The following DST variants were observed in gnomAD, a reference collection of about 807,000 sequenced individuals.
The protein encoded by DST is dystonin.
A neutral mutation model predicts 875.2 loss-of-function variants in DST; 253 were observed. The observed-to-expected ratio is 0.29, with a 90% CI of 0.26 to 0.32. The LOEUF (loss-of-function observed/expected upper bound fraction) is 0.32. Among genes scored for constraint, DST ranks in the 10% least tolerant of loss-of-function variants. DST has a pLI of 1.00. For missense variants in DST, 8,287 were observed against 9,111.6 expected, an observed-to-expected ratio of 0.91 and a Z score of 3.68; for synonymous variants, 3,124 against 3,197.1, an observed-to-expected ratio of 0.98 and a Z score of 0.77.
intron 99 of DST, 21 bp downstream of exon 99, chr6:56,466,057 T>A (rs780204641): frequency 6.4e-7 from 1 of 1,554,408 alleles, no homozygotes; most frequent in South Asian, 1.1e-5. Context: ...CATGATGTTA[T>A]CATGATAAGC....
chr6:56,763,684 T>TACACACACACACACACAC (rs553580754), intron 4 of DST, among the ~76,000 whole-genome samples: 117 of 117,094 alleles, frequency 1.0e-3, no homozygotes, highest in African/African-American at 3.1e-3. Flanking sequence ...AAAATACCTA[T>TACACACACACACACACAC]ACACACACAC....
chr6:56,465,867 T>TAAAAAAAAAAAAAA (rs11359681), intron 99 of DST, among the ~76,000 whole-genome samples: 19 of 112,378 alleles, frequency 1.7e-4, no homozygotes, highest in Non-Finnish European at 2.6e-4. Flanking sequence ...CCAGAAAAAG[T>TAAAAAAAAAAAAAA]AAAAAAAAAA....
Position 56,648,552 on chromosome 6 carries a change from T to G in DST, c.1554+18A>C. On this transcript the variant is annotated intron_variant, in intron 13 of 103. Transcript: ENST00000680361. ...TACAATTGAATCAATCCTATGTAATTTCTACAGTGACACTAACCTTCAGTT... is the reference window on the plus strand; with the variant it reads ...TACAATTGAATCAATCCTATGTAATGTCTACAGTGACACTAACCTTCAGTT... 6.4e-7 allele frequency: 1 copy of G among 1,554,188 alleles called. No homozygotes were observed. The highest frequency in any genetic ancestry group is 1.7e-4 in the Middle Eastern group (1 of 5,752).
In DST at chr6:56,871,513, A is replaced by G. The variant is rs1052397291; in HGVS notation, c.418-19909T>C. Reference sequence around the variant, plus strand: ...AGTGATGCTGAACTTAAGGGCTTAGAGGTAGATTCTCTGGTCATTGAGCAT... The same window carrying G: ...AGTGATGCTGAACTTAAGGGCTTAGGGGTAGATTCTCTGGTCATTGAGCAT... On this transcript the variant is annotated intron_variant, in intron 3 of 103. Coordinates refer to ENST00000680361, the MANE Select transcript of DST (RefSeq NM_001374736.1). The G allele has an allele frequency of 4.9e-6, 7 of 1,435,600 alleles. No individual in the cohort carries two copies. In the African/African-American group the frequency reaches 9.8e-5, roughly 20 times the overall value. The allele number at this position is 1,435,600 out of a possible 1,614,324, so 88.9% of individuals were successfully genotyped here.
chr6:56,489,970 G>A lies in DST; in HGVS notation c.20758-361C>T, dbSNP rs114177792. On this transcript the variant is annotated intron_variant, in intron 85 of 103. Transcript: ENST00000680361. ...AATGTTTTGTATTTTTGTTGTTGCT[G>A]TTGTTTACTGCTGTCTGTTGACAGA... Among the ~76,000 whole-genome samples the A allele has an allele frequency of 4.5e-3, 686 of 152,154 alleles. 6 individuals are homozygous for A. The highest frequency in any genetic ancestry group is 0.015 in the African/African-American group (642 of 41,534).
At chr6:56,864,576 C>T (rs112485753) in intron 3 of DST, among the ~76,000 whole-genome samples, 2,846 of 151,976 alleles carry the variant, frequency 0.019, 62 homozygotes, top group Middle Eastern at 0.068. Flanking sequence ...ACTACCCATA[C>T]TACTACACAA....
intron 90 of DST, among the ~76,000 whole-genome samples, chr6:56,478,317 G>A (rs544803359): frequency 1.3e-5 from 2 of 152,222 alleles, no homozygotes; most frequent in African/African-American, 2.4e-5. Context: ...GGCCCAAAGT[G>A]TCTATGCAGT....
chr6:56,733,795 G>A (rs983119820), intron 5 of DST, among the ~76,000 whole-genome samples: 1 of 151,790 alleles, frequency 6.6e-6, no homozygotes, highest in Admixed American at 6.6e-5. Flanking sequence ...CCTGTCTGGA[G>A]ACTAACCTCT....
chr6:56,718,342 A>T (rs1212588122), intron 5 of DST, among the ~76,000 whole-genome samples: 2 of 152,236 alleles, frequency 1.3e-5, no homozygotes, highest in African/African-American at 4.8e-5. Context: ...TAGCAAAATT[A>T]AAATTAAAAT....
intron 13 of DST, among the ~76,000 whole-genome samples, chr6:56,648,267 G>A (rs2098955615): frequency 6.6e-6 from 1 of 152,038 alleles, no homozygotes; most frequent in Non-Finnish European, 1.5e-5. Flanking sequence ...CATCTCGGGG[G>A]CTGCAAGCAT....
At chr6:56,652,521 G>A (rs1363014043) in intron 10 of DST, among the ~76,000 whole-genome samples, 1 of 152,178 alleles carries the variant, frequency 6.6e-6, no homozygotes, top group Non-Finnish European at 1.5e-5. Flanking sequence ...GGGCTCAAAG[G>A]TAGTGTGGGA....
chr6:56,889,354 GA>G (rs1466116808), intron 3 of DST, among the ~76,000 whole-genome samples: 1 of 152,126 alleles, frequency 6.6e-6, no homozygotes, highest in Non-Finnish European at 1.5e-5. Context: ...TACCATTTCA[GA>G]AAAGAGGATC....
At chr6:56,488,176 T>C (rs561251479) in intron 86 of DST, among the ~76,000 whole-genome samples, 4 of 152,318 alleles carry the variant, frequency 2.6e-5, no homozygotes, top group South Asian at 4.2e-4. Flanking sequence ...GCCAGTGTTA[T>C]AGAATCATGG....
At chr6:56,563,862 A>G (rs9357924) in intron 55 of DST, among the ~76,000 whole-genome samples, 58,092 of 151,828 alleles carry the variant, frequency 0.38, 11,462 homozygotes, top group Admixed American at 0.44. Flanking sequence ...CTTTTGTCAG[A>G]TTTGTCAAAG....
chr6:56,924,119 A>T (rs1467482605), intron 2 of DST, among the ~76,000 whole-genome samples: 2 of 152,072 alleles, frequency 1.3e-5, no homozygotes, highest in Non-Finnish European at 2.9e-5. Context: ...GCAAGCCACC[A>T]TCTCAAAAAA....
chr6:56,569,824 T>C (rs766111453), intron 54 of DST, 32 bp downstream of exon 54: 3 of 1,571,140 alleles, frequency 1.9e-6, no homozygotes, highest in Admixed American at 1.9e-5. Flanking sequence ...TTGACACAAA[T>C]GGAAATTTAG....
chr6:56,623,725 A>G (rs2152745364), intron 36 of DST, among the ~76,000 whole-genome samples: 1 of 152,262 alleles, frequency 6.6e-6, no homozygotes. Context: ...CATTCATTCT[A>G]CTATTTTTGT....
chr6:56,524,580 T>C (rs926229863), intron 69 of DST, among the ~76,000 whole-genome samples: 3 of 152,140 alleles, frequency 2.0e-5, no homozygotes, highest in African/African-American at 7.2e-5. Flanking sequence ...ATGCTGGGCA[T>C]GTTCCTCCCA....
At position 56,840,379 on chromosome 6, in the gene DST, T is replaced by C. The variant is rs933062225; in HGVS notation, c.625+11018A>G. 3.9e-5 allele frequency among the ~76,000 whole-genome samples: 6 copies of C among 152,338 alleles called. No homozygotes were observed. The East Asian group carries it at 7.7e-4, about 20-fold the overall frequency. Reference sequence around the variant, plus strand: ...GATATAAAAGAAAGCCATTCTGATGTAGACAATTTCTAGCCTAAACAATAA... The same window carrying C: ...GATATAAAAGAAAGCCATTCTGATGCAGACAATTTCTAGCCTAAACAATAA... On this transcript the variant is annotated intron_variant, in intron 4 of 103. Coordinates refer to ENST00000680361, the MANE Select transcript of DST (RefSeq NM_001374736.1).
Sources: gnomAD v4.1 joint callset for allele counts (sites outside exome capture counted in the v4.1 genomes callset) on GRCh38, gnomAD v4.1.1 for gene constraint, MANE v1.5 for transcripts, NCBI Gene and HGNC (gene_info 2026-07-23, HGNC 2026-07-21) for gene names.